The following PTK2 variants were observed in gnomAD, a reference collection of about 807,000 sequenced individuals.
PTK2 encodes protein tyrosine kinase 2.
A neutral mutation model predicts 150.1 loss-of-function variants in PTK2; 45 were observed. The observed-to-expected ratio is 0.30, with a 90% CI of 0.24 to 0.38. The LOEUF (loss-of-function observed/expected upper bound fraction) is 0.38. Among genes scored for constraint, PTK2 ranks in the 10% least tolerant of loss-of-function variants. The pLI is 1.00. For synonymous variants in PTK2, 432 were observed against 449.2 expected (o/e 0.96, Z 0.48); for missense variants, 919 against 1,307.3 (o/e 0.70, Z 4.58).
At chr8:140,903,362 A>G (rs1274161372) in intron 2 of PTK2, among the ~76,000 whole-genome samples, 1 of 152,008 alleles carries the variant, frequency 6.6e-6, no homozygotes, top group Non-Finnish European at 1.5e-5. Context: ...CAGTACCATA[A>G]TATCTGTTTT....
intron 29 of PTK2, among the ~76,000 whole-genome samples, chr8:140,673,433 C>G (rs1354184431): frequency 6.6e-6 from 1 of 151,676 alleles, no homozygotes; most frequent in African/African-American, 2.4e-5. Context: ...TTTAATGAAC[C>G]ACTAAGAAAA....
At chr8:140,946,350 C>T (rs1412506147) in intron 1 of PTK2, among the ~76,000 whole-genome samples, 3 of 152,022 alleles carry the variant, frequency 2.0e-5, no homozygotes, top group Admixed American at 6.6e-5. Context: ...AACGAAAATA[C>T]GGATCTAAAC....
intron 14 of PTK2, among the ~76,000 whole-genome samples, chr8:140,780,226 C>G (rs2100080886): frequency 6.6e-6 from 1 of 152,074 alleles, no homozygotes; most frequent in Non-Finnish European, 1.5e-5. Flanking sequence ...CATTTTGTGG[C>G]CTCTGATGAA....
chr8:140,764,133 T>A, intron 15 of PTK2, 101 bp downstream of exon 17: 1 of 922,496 alleles, frequency 1.1e-6, no homozygotes, highest in African/African-American at 1.6e-5. Flanking sequence ...TCCAAGGAAG[T>A]ATTAAAAATG....
chr8:140,893,045 T>C (rs2100154751), intron 2 of PTK2, among the ~76,000 whole-genome samples: 2 of 152,178 alleles, frequency 1.3e-5, no homozygotes, highest in South Asian at 2.1e-4. Flanking sequence ...TAAAAACTCA[T>C]GGCTGGGCAT....
chr8:140,945,842 C>T (rs2100177514), intron 1 of PTK2, among the ~76,000 whole-genome samples: 1 of 152,180 alleles, frequency 6.6e-6, no homozygotes, highest in African/African-American at 2.4e-5. Flanking sequence ...GCACCATTTT[C>T]ACTACCTAGA....
chr8:140,990,232 A>ATTTTTTTTTTTTTTT (rs11312570), intron 1 of PTK2, among the ~76,000 whole-genome samples: 1 of 146,808 alleles, frequency 6.8e-6, no homozygotes. Flanking sequence ...TCCTTGACCA[A>ATTTTTTTTTTTTTTT]TTTTTTTTTT....
rs188197374 is a variant in PTK2 at position 140,829,924 on chromosome 8, C to A, written c.648+548G>T. Among the ~76,000 whole-genome samples the A allele has an allele frequency of 1.4e-4, 22 of 152,292 alleles. No individual in the cohort carries two copies. The East Asian group carries it at 3.7e-3, about 25-fold the overall frequency. On this transcript the variant is annotated intron_variant, in intron 8 of 31. Transcript: ENST00000522684. ...TGCTCTGGATTAGCTGGGGGAATCA[C>A]ACATTCAGAGTCCTCCCACCTCACT...
At chr8:140,665,251 G>A (rs1010634129) in intron 30 of PTK2, among the ~76,000 whole-genome samples, 1 of 152,026 alleles carries the variant, frequency 6.6e-6, no homozygotes, top group Non-Finnish European at 1.5e-5. Flanking sequence ...AAGTCACACA[G>A]ATGCTGAGGG....
chr8:140,816,251 T>A (rs886251604), intron 10 of PTK2, among the ~76,000 whole-genome samples: 1 of 152,144 alleles, frequency 6.6e-6, no homozygotes, highest in Non-Finnish European at 1.5e-5. Flanking sequence ...CCCAAAACTA[T>A]AAAATACTTA....
rs1182840501 is a variant in PTK2, at chr8:140,769,642, G to C, written c.1178-5352C>G. ...GAAAGGGAAGTAGGGAACAGAGGGA[G>C]GGAGACATAGGAAGGAGAAGAGGGA... On this transcript the variant is annotated intron_variant, in intron 14 of 31. Coordinates refer to ENST00000522684, the Ensembl canonical transcript of PTK2. 11 of 1,263,706 alleles carry C rather than the reference G, an allele frequency of 8.7e-6. 1 individual carries two copies. The South Asian group carries it at 1.1e-4, about 13-fold the overall frequency. The allele number at this position is 1,263,706 out of a possible 1,614,324, so 78.3% of individuals were successfully genotyped here.
rs185334890 is a variant in PTK2 at position 140,664,047 on chromosome 8, G to C, written c.2946+870C>G. ...GTTGCAGGCTGGAGTGCAATGGCAC[G>C]ATCTCGGCTCACTGCAACCTCCACC... is the stretch of plus-strand genomic sequence containing the variant. On this transcript the variant is annotated intron_variant, in intron 31 of 31. Transcript: ENST00000522684. Among the ~76,000 whole-genome samples, 577 of 152,054 alleles carry C rather than the reference G, an allele frequency of 3.8e-3. 5 individuals carry two copies. The highest frequency in any genetic ancestry group is 0.013 in the African/African-American group (554 of 41,490).
intron 14 of PTK2, among the ~76,000 whole-genome samples, chr8:140,788,264 G>A (rs926249805): frequency 2.6e-5 from 4 of 152,206 alleles, no homozygotes; most frequent in African/African-American, 9.6e-5. Context: ...TTCTCAAGCA[G>A]TAGTACTTTG....
At chr8:140,759,312 C>T (rs996796402) in intron 16 of PTK2, among the ~76,000 whole-genome samples, 1 of 151,884 alleles carries the variant, frequency 6.6e-6, no homozygotes, top group African/African-American at 2.4e-5. Flanking sequence ...ATCATTTTGG[C>T]AGTTCATCAA....
intron 1 of PTK2, among the ~76,000 whole-genome samples, chr8:140,960,909 G>A (rs1264923537): frequency 6.6e-6 from 1 of 152,144 alleles, no homozygotes; most frequent in African/African-American, 2.4e-5. Context: ...GAACCTGGGA[G>A]GCGGAGGTTG....
At chr8:140,717,886 G>A in intron 22 of PTK2, 177 bp from the exon 26 acceptor site, 1 of 526,444 alleles carries the variant, frequency 1.9e-6, no homozygotes, top group Middle Eastern at 5.1e-4. Context: ...AATGATTCTA[G>A]AATAGCCTTG....
chr8:140,985,920 A>G (rs1218649621), intron 1 of PTK2, among the ~76,000 whole-genome samples: 2 of 152,272 alleles, frequency 1.3e-5, no homozygotes, highest in Non-Finnish European at 2.9e-5. Context: ...CCTTAGGGAT[A>G]GATTTCACAG....
At chr8:140,855,954 C>T (rs1420496623) in intron 5 of PTK2, among the ~76,000 whole-genome samples, 1 of 151,392 alleles carries the variant, frequency 6.6e-6, no homozygotes, top group Admixed American at 6.6e-5. Context: ...TGTTCTACCA[C>T]AATTTAAAAA....
At chr8:140,976,833 T>C (rs530146470) in intron 1 of PTK2, among the ~76,000 whole-genome samples, 16 of 152,182 alleles carry the variant, frequency 1.1e-4, no homozygotes, top group Non-Finnish European at 2.4e-4. Flanking sequence ...CCTAAAAGTT[T>C]CTGAGTTGAG....
Sources: gnomAD v4.1 joint callset for allele counts (sites outside exome capture counted in the v4.1 genomes callset) on GRCh38, gnomAD v4.1.1 for gene constraint, MANE v1.5 for transcripts, NCBI Gene and HGNC (gene_info 2026-07-23, HGNC 2026-07-21) for gene names.